PNPT1: variants seen among roughly 807,000 people sequenced by gnomAD.
PNPT1 encodes the protein polyribonucleotide nucleotidyltransferase 1, also known as polyribonucleotide nucleotidyltransferase 1, mitochondrial.
PNPT1 carries 53 observed loss-of-function variants against 119.5 expected under a neutral mutation model. The observed-to-expected ratio is 0.44, with a 90% CI of 0.36 to 0.56. The LOEUF (loss-of-function observed/expected upper bound fraction) is 0.56, where lower values mean the gene tolerates loss of function less well. PNPT1 is among the 20% of genes least tolerant of loss of function. PNPT1 has a pLI of 0.00. For synonymous variants in PNPT1, 357 were observed against 322.1 expected, an observed-to-expected ratio of 1.11 and a Z score of -1.16; for missense variants, 948 against 938.5, an observed-to-expected ratio of 1.01 and a Z score of -0.13.
chr2:55,654,614 A>G (rs550088498), intron 18 of PNPT1, among the ~76,000 whole-genome samples: 18 of 152,346 alleles, frequency 1.2e-4, no homozygotes, highest in Admixed American at 9.8e-4. Flanking sequence ...CTGAAGCTCT[A>G]CTTTTCAGCC....
chr2:55,672,154 T>C, intron 9 of PNPT1, 108 bp from the exon 10 acceptor site: 4 of 786,670 alleles, frequency 5.1e-6, no homozygotes, highest in South Asian at 3.8e-5. Flanking sequence ...AAAACTTTAA[T>C]AAATACTTCA....
chr2:55,640,495 C>G (rs1695803582), intron 26 of PNPT1, 132 bp downstream of exon 26: 12 of 791,428 alleles, frequency 1.5e-5, no homozygotes, highest in Non-Finnish European at 2.4e-5. Flanking sequence ...TTGCCAGCAG[C>G]ATCTCTGCCA....
chr2:55,667,925 A>G lies in PNPT1; in HGVS notation c.1010T>C (p.Ile337Thr), dbSNP rs2104110221. 1 of 1,579,684 alleles carries G rather than the reference A, an allele frequency of 6.3e-7. No homozygotes were observed. Among genetic ancestry groups the G allele is most frequent in the East Asian group, 2.3e-5 (1 of 44,258 alleles). ...KFPEADPYEI[I>T]ESFNVVAKEV... ...CTTTGCAACAACATTGAAGGATTCT[A>G]TTATTTCATATGGATCGGCTTCTGG... Residue 337 changes from isoleucine to threonine, a missense_variant, in exon 12 of 28, where the codon ATA becomes ACA. Physicochemically the swap from Ile to Thr is moderately conservative, Grantham distance 89 (BLOSUM62 -1). Coordinates refer to ENST00000447944, the MANE Select transcript of PNPT1 (RefSeq NM_033109.5).
Position 55,666,971 on chromosome 2 carries a change from G to C in PNPT1, c.1176+20C>G, listed in dbSNP as rs1247055429. 1 of 1,480,606 alleles carries C rather than the reference G, an allele frequency of 6.8e-7. No individual in the cohort carries two copies. The highest frequency in any genetic ancestry group is 1.4e-5 in the African/African-American group (1 of 70,102). The allele number at this position is 1,480,606 out of a possible 1,614,324, so 91.7% of individuals were successfully genotyped here. A position where few individuals can be genotyped will look rare whatever the true frequency, so the allele number is the denominator to read the frequency against. On this transcript the variant is annotated intron_variant, in intron 13 of 27. Coordinates refer to ENST00000447944, the MANE Select transcript of PNPT1 (RefSeq NM_033109.5). ...ACAATCTTAATTTAGCAAATAATTA[G>C]AGCTTTTTATATAAATTACCTGTGT...
intron 26 of PNPT1, 123 bp from the exon 27 acceptor site, chr2:55,637,722 C>A: frequency 2.5e-6 from 2 of 796,652 alleles, no homozygotes; most frequent in Non-Finnish European, 4.1e-6. Flanking sequence ...AGCGGCTGGG[C>A]GCAGTGGCTC....
intron 13 of PNPT1, among the ~76,000 whole-genome samples, chr2:55,666,676 CAA>C (rs889095603): frequency 6.6e-6 from 1 of 151,724 alleles, no homozygotes; most frequent in Non-Finnish European, 1.5e-5. Context: ...CTTGTCTCTA[CAA>C]AAAAAAGTTT....
At chr2:55,673,117 C>A (rs748940718) in intron 8 of PNPT1, 38 bp from the exon 9 acceptor site, 1 of 1,451,928 alleles carries the variant, frequency 6.9e-7, no homozygotes, top group South Asian at 1.4e-5. Flanking sequence ...TGACTGCCAT[C>A]GAAGCTCTTA....
At chr2:55,681,511 TG>T (rs1697248373) in intron 5 of PNPT1, among the ~76,000 whole-genome samples, 1 of 151,952 alleles carries the variant, frequency 6.6e-6, no homozygotes, top group South Asian at 2.1e-4. Context: ...CCTCGCATGT[TG>T]CAAGTATTCA....
intron 26 of PNPT1, among the ~76,000 whole-genome samples, chr2:55,640,136 T>C (rs1572793297): frequency 6.6e-6 from 1 of 152,198 alleles, no homozygotes; most frequent in East Asian, 1.9e-4. Flanking sequence ...TTATAATATA[T>C]TTTAATATAT....
At chr2:55,646,535 T>C in intron 19 of PNPT1, 49 bp from the exon 20 acceptor site, 2 of 1,438,252 alleles carry the variant, frequency 1.4e-6, no homozygotes, top group South Asian at 2.5e-5. Context: ...AAAACAAAAG[T>C]CAACATATTC....
intron 25 of PNPT1, among the ~76,000 whole-genome samples, chr2:55,641,077 A>G (rs906712259): frequency 2.0e-5 from 3 of 151,888 alleles, no homozygotes; most frequent in African/African-American, 7.3e-5. Flanking sequence ...TATAAAAATT[A>G]GCTGGGCCTG....
At chr2:55,648,162 C>A (rs1696059087) in intron 18 of PNPT1, among the ~76,000 whole-genome samples, 1 of 152,192 alleles carries the variant, frequency 6.6e-6, no homozygotes. Context: ...TAGAAAATTT[C>A]TGTGCACAAG....
rs758340411 is a variant in PNPT1, at chr2:55,656,336, G to A, written c.1320C>T (p.Val440=). The part of the protein sequence containing the change: ...PPYATNEIGK[V]TGLNRRELGH... ...CAAGTTCTCTTCTATTTAAACCAGT[G>A]ACTTTGCCAATTTCATTAGTTGCAT... The change falls in exon 16 of 28, where the codon GTC becomes GTT. Residue 440 remains valine, a synonymous_variant. Coordinates refer to ENST00000447944, the MANE Select transcript of PNPT1 (RefSeq NM_033109.5). 3 of 1,607,916 alleles carry A rather than the reference G, an allele frequency of 1.9e-6. No individual in the cohort carries two copies. The highest frequency in any genetic ancestry group is 2.2e-5 in the East Asian group (1 of 44,626).
intron 1 of PNPT1, among the ~76,000 whole-genome samples, chr2:55,689,290 T>C (rs997743344): frequency 6.6e-6 from 1 of 152,198 alleles, no homozygotes; most frequent in Non-Finnish European, 1.5e-5. Context: ...TGAATAGCCA[T>C]GTCTCCAAAA....
chr2:55,688,383 T>C (rs551313751), intron 1 of PNPT1, among the ~76,000 whole-genome samples: 1 of 152,214 alleles, frequency 6.6e-6, no homozygotes, highest in East Asian at 1.9e-4. Flanking sequence ...TCTCACCTTG[T>C]TGACTACAGT....
chr2:55,652,529 T>C (rs781510930), intron 18 of PNPT1, among the ~76,000 whole-genome samples: 11 of 152,202 alleles, frequency 7.2e-5, no homozygotes, highest in African/African-American at 1.9e-4. Flanking sequence ...CAAGTCAACA[T>C]TGAAAGAGAC....
At chr2:55,685,890 A>G (rs1415414095) in intron 3 of PNPT1, among the ~76,000 whole-genome samples, 2 of 152,218 alleles carry the variant, frequency 1.3e-5, no homozygotes, top group Non-Finnish European at 2.9e-5. Flanking sequence ...CCTTAATACA[A>G]TGTAAATTCT....
At position 55,673,010 on chromosome 2, in the gene PNPT1, T is replaced by G; in HGVS notation, c.749A>C (p.Lys250Thr). ...DFCHAIKVGVKYTQQIIQGIQ... is the reference protein window; with the variant it reads ...DFCHAIKVGVTYTQQIIQGIQ... ...GCCCTGAATTATTTGTTGGGTATAT[T>G]TCACTCCCACTTTGATAGCATGGCA... is the stretch of plus-strand genomic sequence containing the variant. Residue 250 changes from lysine (K) to threonine (T), a missense_variant, in exon 9 of 28, where the codon AAA (lysine) becomes ACA (threonine). By Grantham distance (78) the Lys-to-Thr change is moderately conservative. Transcript: ENST00000447944. 1 of 1,613,266 alleles carries G rather than the reference T, an allele frequency of 6.2e-7. No individual in the cohort carries two copies. The highest frequency in any genetic ancestry group is 8.5e-7 in the Non-Finnish European group (1 of 1,179,894).
At chr2:55,655,978 A>C (rs769419975) in intron 17 of PNPT1, among the ~76,000 whole-genome samples, 153 bp downstream of exon 17, 2 of 152,250 alleles carry the variant, frequency 1.3e-5, no homozygotes, top group African/African-American at 4.8e-5. Flanking sequence ...ACAGAGATTA[A>C]GACAAGTATT....
Sources: gnomAD v4.1 joint callset for allele counts (sites outside exome capture counted in the v4.1 genomes callset) on GRCh38, gnomAD v4.1.1 for gene constraint, MANE v1.5 for transcripts, NCBI Gene and HGNC (gene_info 2026-07-23, HGNC 2026-07-21) for gene names.